Variants in PSMD14 observed in about 807,000 individuals in gnomAD.
The protein encoded by PSMD14 is proteasome 26S subunit, non-ATPase 14, also known as ubiquitin C-terminal hydrolase PSMD14.
A neutral mutation model predicts 41.2 loss-of-function variants in PSMD14; 7 were observed. The ratio of observed to expected loss-of-function variants is 0.17; its 90% CI spans 0.10 to 0.32. The LOEUF (loss-of-function observed/expected upper bound fraction) is 0.32. Ranked by LOEUF, PSMD14 falls within the 10% of genes least tolerant of loss-of-function variation. The probability of loss-of-function intolerance (pLI) is 1.00; values close to 1 mark genes in which losing one functional copy is unlikely to be tolerated. For missense variants in PSMD14, 139 were observed against 375.6 expected, an observed-to-expected ratio of 0.37 and a Z score of 5.21; for synonymous variants, 114 against 122.3, an observed-to-expected ratio of 0.93 and a Z score of 0.45.
At position 161,371,393 on chromosome 2, in the gene PSMD14, A is replaced by G. The variant is rs185160994; in HGVS notation, c.462+71A>G. The G allele has an allele frequency of 8.4e-5, 123 of 1,459,140 alleles. 2 individuals carry two copies. In the Admixed American group the frequency reaches 2.5e-3, roughly 29 times the overall value. The allele number at this position is 1,459,140 out of a possible 1,614,324, so 90.4% of individuals were successfully genotyped here. A position where few individuals can be genotyped will look rare whatever the true frequency, so the allele number is the denominator to read the frequency against. On this transcript the variant is annotated intron_variant, in intron 7 of 11. Coordinates refer to ENST00000409682, the MANE Select transcript of PSMD14 (RefSeq NM_005805.6). ...TTACAGATACATTAAATAAAAATCA[A>G]TTTTGTTCAAAGCAGGATTCTTAAT...
intron 9 of PSMD14, 91 bp from the exon 10 acceptor site, chr2:161,394,987 T>G: frequency 9.4e-7 from 1 of 1,059,426 alleles, no homozygotes. Context: ...TAAGTCGAAA[T>G]GTTTTTTTTT....
chr2:161,344,156 C>T (rs906089470), intron 3 of PSMD14, among the ~76,000 whole-genome samples: 4 of 151,982 alleles, frequency 2.6e-5, no homozygotes, highest in Admixed American at 2.6e-4. Flanking sequence ...GAAACCACTG[C>T]CCCAAGGGTA....
intron 1 of PSMD14, among the ~76,000 whole-genome samples, chr2:161,311,452 T>C (rs749087180): frequency 3.3e-5 from 5 of 152,086 alleles, no homozygotes; most frequent in Non-Finnish European, 7.4e-5. Context: ...TTTTAAAGTA[T>C]ATAGGAGGAT....
chr2:161,364,221 G>A (rs1028811722), intron 3 of PSMD14, among the ~76,000 whole-genome samples: 3 of 152,038 alleles, frequency 2.0e-5, no homozygotes, highest in Admixed American at 6.5e-5. Flanking sequence ...TTCTCTCCAC[G>A]TCCAGCCGTT....
chr2:161,355,359 C>G (rs1256679234), intron 3 of PSMD14, among the ~76,000 whole-genome samples: 1 of 152,044 alleles, frequency 6.6e-6, no homozygotes, highest in Non-Finnish European at 1.5e-5. Context: ...TCAGTACTTT[C>G]AGGATTACTC....
intron 10 of PSMD14, among the ~76,000 whole-genome samples, chr2:161,401,165 C>G (rs1683873241): frequency 6.6e-6 from 1 of 152,192 alleles, no homozygotes; most frequent in Non-Finnish European, 1.5e-5. Flanking sequence ...ATTTTCTTTT[C>G]CCTACACCTT....
At chr2:161,391,645 G>A in intron 9 of PSMD14, among the ~76,000 whole-genome samples, 1 of 152,150 alleles carries the variant, frequency 6.6e-6, no homozygotes, top group East Asian at 1.9e-4. Flanking sequence ...AGACTAGAGT[G>A]CAATGGTGTG....
At chr2:161,352,085 G>A (rs1420888246) in intron 3 of PSMD14, among the ~76,000 whole-genome samples, 1 of 152,142 alleles carries the variant, frequency 6.6e-6, no homozygotes, top group Non-Finnish European at 1.5e-5. Context: ...TGATGCATTT[G>A]GTGATTGGCT....
intron 3 of PSMD14, among the ~76,000 whole-genome samples, chr2:161,325,005 A>T (rs1331038154): frequency 6.6e-6 from 1 of 152,146 alleles, no homozygotes; most frequent in Non-Finnish European, 1.5e-5. Flanking sequence ...ATTATTGAGA[A>T]TGACATACAA....
chr2:161,385,681 A>C, intron 8 of PSMD14, 110 bp downstream of exon 8: 1 of 580,364 alleles, frequency 1.7e-6, no homozygotes, highest in Admixed American at 3.6e-5. Flanking sequence ...TTGCAAATTA[A>C]TTTTTCTTTT....
At chr2:161,326,134 C>T (rs372671401) in intron 3 of PSMD14, among the ~76,000 whole-genome samples, 1 of 152,116 alleles carries the variant, frequency 6.6e-6, no homozygotes, top group Non-Finnish European at 1.5e-5. Context: ...ACCTCCTGGA[C>T]TCAAGAGATT....
At chr2:161,326,292 A>G (rs1176880973) in intron 3 of PSMD14, among the ~76,000 whole-genome samples, 6 of 152,088 alleles carry the variant, frequency 3.9e-5, no homozygotes, top group Non-Finnish European at 8.8e-5. Context: ...CGGCCTCCGA[A>G]AGTGCTGGGA....
chr2:161,328,627 A>G (rs572397714), intron 3 of PSMD14, among the ~76,000 whole-genome samples: 3 of 152,122 alleles, frequency 2.0e-5, no homozygotes, highest in Non-Finnish European at 2.9e-5. Flanking sequence ...TAAGTGTTAT[A>G]TTACTTAAAT....
At chr2:161,313,173 A>T (rs530292854) in intron 1 of PSMD14, among the ~76,000 whole-genome samples, 2 of 152,224 alleles carry the variant, frequency 1.3e-5, no homozygotes, top group East Asian at 3.9e-4. Flanking sequence ...TGAATCTGGC[A>T]CTCTGACTGT....
chr2:161,362,130 A>G (rs1208905395), intron 3 of PSMD14, among the ~76,000 whole-genome samples: 1 of 152,064 alleles, frequency 6.6e-6, no homozygotes, highest in East Asian at 1.9e-4. Context: ...GCAGTGGTTA[A>G]CCATGGCTCA....
intron 3 of PSMD14, among the ~76,000 whole-genome samples, chr2:161,362,331 C>G (rs1683300434): frequency 6.6e-6 from 1 of 152,202 alleles, no homozygotes; most frequent in Admixed American, 6.5e-5. Flanking sequence ...TTGTATACTT[C>G]ATTTCTCCCT....
intron 7 of PSMD14, among the ~76,000 whole-genome samples, chr2:161,374,346 T>A (rs181667786): frequency 2.6e-5 from 4 of 152,164 alleles, no homozygotes; most frequent in Admixed American, 6.6e-5. Flanking sequence ...CAATTAATTT[T>A]AAAAAACAAT....
chr2:161,375,371 A>G (rs1211381493), intron 7 of PSMD14, among the ~76,000 whole-genome samples: 1 of 152,058 alleles, frequency 6.6e-6, no homozygotes, highest in Non-Finnish European at 1.5e-5. Context: ...AAATAATTCA[A>G]CAAATACTTA....
intron 3 of PSMD14, among the ~76,000 whole-genome samples, chr2:161,357,171 A>G (rs1021914971): frequency 1.4e-4 from 21 of 150,642 alleles, no homozygotes; most frequent in African/African-American, 5.1e-4. Context: ...AATGGAAAAA[A>G]AAAAATCCAC....
Sources: allele counts gnomAD v4.1 joint callset (sites outside exome capture counted in the v4.1 genomes callset), GRCh38; gene constraint gnomAD v4.1.1; transcripts MANE v1.5; gene names NCBI Gene and HGNC (gene_info 2026-07-23, HGNC 2026-07-21).